The following VWA3B variants were observed in gnomAD, a reference collection of about 807,000 sequenced individuals.
The protein encoded by VWA3B is von Willebrand factor A domain-containing protein 3B.
Under a neutral mutation model 158.3 loss-of-function variants are expected in VWA3B, and 138 were observed. The ratio of observed to expected loss-of-function variants is 0.87; its 90% CI spans 0.76 to 1.00. The LOEUF is 1.00. VWA3B is among the 50% of genes least tolerant of loss of function. The pLI, the probability that VWA3B is intolerant of heterozygous loss-of-function variation, is 0.00. For synonymous variants in VWA3B, 596 were observed against 587.3 expected (o/e 1.01, Z -0.21); for missense variants, 1,555 against 1,565.1 (o/e 0.99, Z 0.11).
intron 12 of VWA3B, chr2:98,207,633 A>G (rs1386939008): frequency 2.1e-6 from 1 of 474,332 alleles, no homozygotes; most frequent in Admixed American, 2.3e-5. Context: ...AGATTTTGAT[A>G]GGTGAACATG....
At position 98,287,421 on chromosome 2, in the gene VWA3B, C is replaced by A. The variant is rs376906237; in HGVS notation, c.3046-3090C>A. 3.2e-4 allele frequency among the ~76,000 whole-genome samples: 49 copies of A among 152,248 alleles called. No homozygotes were observed. The East Asian group carries it at 5.2e-3, about 16-fold the overall frequency. ...ATGTTATTTCATTTTTCTAGTAATTCATTTTAATATATTTTACAAGAACAT... is the reference window on the plus strand; with the variant it reads ...ATGTTATTTCATTTTTCTAGTAATTAATTTTAATATATTTTACAAGAACAT... On this transcript the variant is annotated intron_variant, in intron 22 of 27. Transcript: ENST00000477737.
chr2:98,196,971 TTC>T (rs1172588196), intron 12 of VWA3B, among the ~76,000 whole-genome samples: 1 of 152,172 alleles, frequency 6.6e-6, no homozygotes, highest in African/African-American at 2.4e-5. Context: ...AACTAAGACA[TTC>T]ACATGGCTAC....
At chr2:98,138,347 G>A (rs1219283778) in intron 7 of VWA3B, among the ~76,000 whole-genome samples, 2 of 152,164 alleles carry the variant, frequency 1.3e-5, no homozygotes, top group African/African-American at 4.8e-5. Context: ...ACCTTTTAAT[G>A]GTAATTTGGG....
chr2:98,110,023 T>C (rs1674018143), intron 2 of VWA3B, among the ~76,000 whole-genome samples: 1 of 152,092 alleles, frequency 6.6e-6, no homozygotes, highest in South Asian at 2.1e-4. Context: ...ATCTGTTGCT[T>C]TATGTTTTTT....
intron 7 of VWA3B, among the ~76,000 whole-genome samples, chr2:98,159,899 A>G (rs542881156): frequency 3.2e-4 from 49 of 151,574 alleles, no homozygotes; most frequent in Non-Finnish European, 6.2e-4. Flanking sequence ...GATCCCAGCT[A>G]TTCGGGAGGC....
In VWA3B at chr2:98,300,185, T is replaced by A. The variant is rs770057230; in HGVS notation, c.3389T>A (p.Phe1130Tyr). Residue 1130 changes from phenylalanine to tyrosine, a missense_variant, in exon 25 of 28, where the codon TTC becomes TAC. Transcript: ENST00000477737. ...LPNKHVATEK[F>Y]YTVLKCNNRR... ...AATAAGCATGTGGCCACAGAAAAAT[T>A]CTACACAGTTTTGAAGTGTAACAAC... 6.2e-7 allele frequency: 1 copy of A among 1,614,230 alleles called. No individual in the cohort carries two copies. Among genetic ancestry groups the A allele is most frequent in the African/African-American group, 1.3e-5 (1 of 75,064 alleles).
At chr2:98,111,277 T>C (rs1007480331) in intron 2 of VWA3B, among the ~76,000 whole-genome samples, 23 of 152,222 alleles carry the variant, frequency 1.5e-4, no homozygotes, top group Admixed American at 2.6e-4. Flanking sequence ...CATGATTTCA[T>C]CTTTTGAAAT....
At chr2:98,310,047 C>A (rs1161542859) in intron 26 of VWA3B, among the ~76,000 whole-genome samples, 1 of 152,190 alleles carries the variant, frequency 6.6e-6, no homozygotes, top group South Asian at 2.1e-4. Flanking sequence ...TCAGGGCCAG[C>A]AGTAGCAATT....
chr2:98,161,303 G>A (rs575560203), intron 7 of VWA3B, among the ~76,000 whole-genome samples: 23 of 152,352 alleles, frequency 1.5e-4, no homozygotes, highest in Non-Finnish European at 2.9e-5. Context: ...CAGCCTAAAA[G>A]CATTTCTCAA....
At chr2:98,255,596 C>G (rs1687083302) in intron 20 of VWA3B, among the ~76,000 whole-genome samples, 1 of 152,076 alleles carries the variant, frequency 6.6e-6, no homozygotes, top group Admixed American at 6.5e-5. Flanking sequence ...GCACCGCCAG[C>G]CAGCAGCTGT....
At chr2:98,192,586 G>A (rs1681686581) in intron 10 of VWA3B, among the ~76,000 whole-genome samples, 1 of 152,206 alleles carries the variant, frequency 6.6e-6, no homozygotes, top group Non-Finnish European at 1.5e-5. Context: ...ATGTGTATGT[G>A]TAGGTCACAG....
chr2:98,211,113 C>G (rs1019419089), intron 12 of VWA3B, among the ~76,000 whole-genome samples: 8 of 152,236 alleles, frequency 5.3e-5, no homozygotes, highest in Non-Finnish European at 4.4e-5. Context: ...GAGGTCCCAA[C>G]CCAGGTTATC....
intron 2 of VWA3B, among the ~76,000 whole-genome samples, chr2:98,112,785 C>T (rs917406092): frequency 6.6e-6 from 1 of 151,898 alleles, no homozygotes; most frequent in Non-Finnish European, 1.5e-5. Flanking sequence ...TCATAGTTTG[C>T]TAAGCATCTT....
rs148845508 is a variant in VWA3B, at chr2:98,299,050, G to A, written c.3282+1019G>A. On this transcript the variant is annotated intron_variant, in intron 24 of 27. Transcript: ENST00000477737. ...GACCCTTTGCTACCCGGCGTCAGGA[G>A]ATGGGGTTTCTCCTTTTGGTTTAGC... is the stretch of plus-strand genomic sequence containing the variant. 3.2e-3 allele frequency among the ~76,000 whole-genome samples: 489 copies of A among 152,324 alleles called. 4 individuals are homozygous for A. Among genetic ancestry groups the A allele is most frequent in the African/African-American group, 0.011 (457 of 41,566 alleles).
intron 1 of VWA3B, among the ~76,000 whole-genome samples, chr2:98,090,618 T>G (rs1390625333): frequency 6.6e-6 from 1 of 152,150 alleles, no homozygotes; most frequent in Non-Finnish European, 1.5e-5. Flanking sequence ...ATTGCAATAT[T>G]CTCCTCAAAT....
At chr2:98,232,423 T>C (rs763396898) in intron 16 of VWA3B, among the ~76,000 whole-genome samples, 25 of 152,240 alleles carry the variant, frequency 1.6e-4, no homozygotes, top group Non-Finnish European at 3.7e-4. Context: ...TGTTCATTTG[T>C]TTCCAGAGAA....
chr2:98,119,809 A>G (rs1261065895), intron 4 of VWA3B, 46 bp downstream of exon 4: 2 of 1,599,822 alleles, frequency 1.3e-6, no homozygotes, highest in South Asian at 2.2e-5. Context: ...GTTCATAGTA[A>G]TTTGTACATA....
At chr2:98,278,096 C>G (rs1045539350) in intron 22 of VWA3B, among the ~76,000 whole-genome samples, 2 of 152,198 alleles carry the variant, frequency 1.3e-5, no homozygotes, top group Non-Finnish European at 2.9e-5. Context: ...GACTAGCTCC[C>G]TAGTGGCTGT....
At chr2:98,176,412 A>G (rs1402983245) in intron 8 of VWA3B, among the ~76,000 whole-genome samples, 2 of 133,816 alleles carry the variant, frequency 1.5e-5, no homozygotes, top group Non-Finnish European at 3.1e-5. Context: ...CTCACTTCCT[A>G]ATCTCAATTG....
Sources: gnomAD v4.1 joint callset for allele counts (sites outside exome capture counted in the v4.1 genomes callset) on GRCh38, gnomAD v4.1.1 for gene constraint, MANE v1.5 for transcripts, NCBI Gene and HGNC (gene_info 2026-07-23, HGNC 2026-07-21) for gene names.